TBC1D5: variants seen among roughly 807,000 people sequenced by gnomAD.
TBC1D5 encodes the protein TBC1 domain family member 5, also known as TBC1 domain family, member 5.
In TBC1D5, 75 loss-of-function variants were observed where a neutral mutation model predicts 100.3. The observed-to-expected ratio is 0.75, with a 90% confidence interval of 0.62 to 0.91. TBC1D5 has a LOEUF of 0.91. Ranked by LOEUF, TBC1D5 falls within the 40% of genes least tolerant of loss-of-function variation. The pLI is 0.00. For synonymous variants in TBC1D5, 323 were observed against 325.6 expected, an observed-to-expected ratio of 0.99 and a Z score of 0.09; for missense variants, 910 against 942.4, an observed-to-expected ratio of 0.97 and a Z score of 0.45.
rs747665209 is a variant in TBC1D5 at position 17,404,863 on chromosome 3, TTTAC to T, written c.366+5_366+8del. 3.8e-6 allele frequency: 6 copies of T among 1,565,162 alleles called. No homozygotes were observed. The highest frequency in any genetic ancestry group is 5.2e-6 in the Non-Finnish European group (6 of 1,148,698). On this transcript the variant is annotated splice_donor_5th_base_variant and intron_variant, in intron 6 of 21. Transcript: ENST00000253692. The stretch of plus-strand genomic sequence containing the variant: ...ACAATTACATTAATTAAATATACTA[TTTAC>T]TTACTATTTCTTTAATGTTGCTATA...
chr3:17,406,985 A>T (rs560593670), intron 4 of TBC1D5, among the ~76,000 whole-genome samples: 1 of 152,304 alleles, frequency 6.6e-6, no homozygotes, highest in African/African-American at 2.4e-5. Flanking sequence ...GTAAAGTATA[A>T]TAAAAGACTA....
intron 3 of TBC1D5, among the ~76,000 whole-genome samples, chr3:17,469,362 C>T (rs1337143880): frequency 6.6e-6 from 1 of 152,080 alleles, no homozygotes; most frequent in African/African-American, 2.4e-5. Context: ...CATCATTTTA[C>T]AATGTAAAAA....
intron 1 of TBC1D5, among the ~76,000 whole-genome samples, chr3:17,727,892 CAA>C (rs796976124): frequency 4.6e-5 from 7 of 152,148 alleles, no homozygotes; most frequent in African/African-American, 1.7e-4. Context: ...TACAAACATC[CAA>C]AAGAGTATTA....
At chr3:17,468,349 T>C (rs968881714) in intron 3 of TBC1D5, among the ~76,000 whole-genome samples, 1 of 152,190 alleles carries the variant, frequency 6.6e-6, no homozygotes, top group Admixed American at 6.5e-5. Context: ...AAAACTTACA[T>C]GGTTCACTCC....
intron 16 of TBC1D5, among the ~76,000 whole-genome samples, chr3:17,248,158 A>G (rs1447591105): frequency 1.3e-5 from 2 of 151,936 alleles, no homozygotes; most frequent in Non-Finnish European, 2.9e-5. Flanking sequence ...CACCCAGCTA[A>G]TTTTTGTATT....
intron 13 of TBC1D5, among the ~76,000 whole-genome samples, chr3:17,347,794 C>T (rs1448658251): frequency 6.6e-6 from 1 of 152,104 alleles, no homozygotes; most frequent in African/African-American, 2.4e-5. Context: ...AGCCCAAGGG[C>T]TTGAGATCAG....
intron 1 of TBC1D5, among the ~76,000 whole-genome samples, chr3:17,738,541 T>A (rs757571347): frequency 6.6e-6 from 1 of 152,294 alleles, no homozygotes; most frequent in East Asian, 1.9e-4. Context: ...TTTGTAAAAA[T>A]ATTAAAATTA....
chr3:17,705,424 G>A (rs912325972), intron 1 of TBC1D5, among the ~76,000 whole-genome samples: 4 of 145,704 alleles, frequency 2.7e-5, no homozygotes, highest in Non-Finnish European at 4.6e-5. Context: ...GGTGGCTGCC[G>A]GGCGGAGAGG....
chr3:17,239,488 T>C (rs748072759), intron 16 of TBC1D5, among the ~76,000 whole-genome samples: 10 of 152,208 alleles, frequency 6.6e-5, no homozygotes, highest in Non-Finnish European at 1.5e-4. Context: ...ACTTATAACA[T>C]GTTTTTTCAA....
chr3:17,502,743 C>A lies in TBC1D5; in HGVS notation c.97+5731G>T, dbSNP rs139298762. On this transcript the variant is annotated intron_variant, in intron 3 of 21. Coordinates refer to ENST00000253692, the Ensembl canonical transcript of TBC1D5. Reference sequence around the variant, plus strand: ...CTGCAGCCCTCTATCCCGTCTGTACCATACAAAATTCTTTCTCTAGATTTC... The same window carrying A: ...CTGCAGCCCTCTATCCCGTCTGTACAATACAAAATTCTTTCTCTAGATTTC... 8.3e-3 allele frequency among the ~76,000 whole-genome samples: 1,240 copies of A among 149,336 alleles called. 76 individuals are homozygous for A. Among genetic ancestry groups the A allele is most frequent in the Admixed American group, 0.061 (919 of 15,124 alleles).
chr3:17,721,135 C>A (rs2075665013), intron 1 of TBC1D5, among the ~76,000 whole-genome samples: 1 of 151,770 alleles, frequency 6.6e-6, no homozygotes, highest in Non-Finnish European at 1.5e-5. Context: ...GAAACCACAC[C>A]CCGCCGAGAC....
chr3:17,181,576 T>C (rs1208270988), intron 19 of TBC1D5, among the ~76,000 whole-genome samples: 1 of 152,208 alleles, frequency 6.6e-6, no homozygotes, highest in Admixed American at 6.5e-5. Context: ...CAACCCTAGA[T>C]CTGTTTGATG....
intron 3 of TBC1D5, among the ~76,000 whole-genome samples, 168 bp downstream of exon 3, chr3:17,508,306 A>G (rs2095864756): frequency 6.6e-6 from 1 of 152,254 alleles, no homozygotes; most frequent in South Asian, 2.1e-4. Context: ...TGAAGTATTC[A>G]TTAGTGTCAA....
chr3:17,688,858 C>T (rs543226099), intron 1 of TBC1D5, among the ~76,000 whole-genome samples: 2 of 152,286 alleles, frequency 1.3e-5, no homozygotes, highest in African/African-American at 4.8e-5. Context: ...AAAATTTCTA[C>T]CCTACTGTAC....
chr3:17,248,654 C>G (rs2076940754), intron 16 of TBC1D5, among the ~76,000 whole-genome samples: 1 of 152,050 alleles, frequency 6.6e-6, no homozygotes, highest in Non-Finnish European at 1.5e-5. Context: ...TCTTGGGTGA[C>G]CAGGTGCATT....
intron 13 of TBC1D5, among the ~76,000 whole-genome samples, chr3:17,328,151 T>C (rs1293446269): frequency 1.1e-4 from 16 of 151,946 alleles, no homozygotes; most frequent in Admixed American, 1.0e-3. Context: ...ACACCTATAG[T>C]CCCAGCTACT....
chr3:17,629,627 G>C (rs1350576379), intron 1 of TBC1D5, among the ~76,000 whole-genome samples: 2 of 152,134 alleles, frequency 1.3e-5, no homozygotes, highest in Non-Finnish European at 2.9e-5. Flanking sequence ...AGAAAAATAA[G>C]CTTTAGTGAG....
chr3:17,334,108 C>A (rs2087295961), intron 13 of TBC1D5, among the ~76,000 whole-genome samples: 2 of 151,856 alleles, frequency 1.3e-5, no homozygotes, highest in South Asian at 4.1e-4. Context: ...GGTGACAAGT[C>A]AGAGAGTAGC....
chr3:17,653,886 A>G (rs2153725079), intron 1 of TBC1D5, among the ~76,000 whole-genome samples: 1 of 152,284 alleles, frequency 6.6e-6, no homozygotes, highest in South Asian at 2.1e-4. Context: ...AACTTCCTCC[A>G]TGAACATATA....
Sources: gnomAD v4.1 joint callset for allele counts (sites outside exome capture counted in the v4.1 genomes callset) on GRCh38, gnomAD v4.1.1 for gene constraint, MANE v1.5 for transcripts, NCBI Gene and HGNC (gene_info 2026-07-23, HGNC 2026-07-21) for gene names.